The following NTNG1 variants were observed in gnomAD, a reference collection of about 807,000 sequenced individuals.
NTNG1 encodes the protein netrin-G1.
NTNG1 carries 16 observed loss-of-function variants against 54.0 expected under a neutral mutation model. The ratio of observed to expected loss-of-function variants is 0.30; its 90% CI spans 0.20 to 0.45. The LOEUF (loss-of-function observed/expected upper bound fraction) is 0.45. Ranked by LOEUF, NTNG1 falls within the 20% of genes least tolerant of loss-of-function variation. The pLI, the probability that NTNG1 is intolerant of heterozygous loss-of-function variation, is 1.00. For synonymous variants in NTNG1, 255 were observed against 263.1 expected, an observed-to-expected ratio of 0.97 and a Z score of 0.30; for missense variants, 530 against 678.7, an observed-to-expected ratio of 0.78 and a Z score of 2.43.
chr1:107,195,034 T>C (rs1271641828), intron 2 of NTNG1, among the ~76,000 whole-genome samples: 1 of 152,040 alleles, frequency 6.6e-6, no homozygotes, highest in Non-Finnish European at 1.5e-5. Flanking sequence ...AAAGTTTCAC[T>C]GCTTATTTAA....
At chr1:107,271,068 A>G (rs916054417) in intron 2 of NTNG1, among the ~76,000 whole-genome samples, 1 of 152,218 alleles carries the variant, frequency 6.6e-6, no homozygotes, top group Non-Finnish European at 1.5e-5. Context: ...AGTAGAAAAC[A>G]ATAGACACAA....
At chr1:107,326,067 G>A (rs756367179) in intron 3 of NTNG1, among the ~76,000 whole-genome samples, 3 of 152,058 alleles carry the variant, frequency 2.0e-5, no homozygotes, top group African/African-American at 4.8e-5. Flanking sequence ...CTGGGAGAAA[G>A]GTCACTGCTG....
intron 4 of NTNG1, among the ~76,000 whole-genome samples, chr1:107,404,617 C>T (rs17018899): frequency 0.019 from 2,941 of 152,196 alleles, 39 homozygotes; most frequent in South Asian, 0.042. Flanking sequence ...TGTCATCAGA[C>T]ATTGTCCCAG....
chr1:107,397,607 A>G (rs1333955794), intron 4 of NTNG1, among the ~76,000 whole-genome samples: 1 of 152,202 alleles, frequency 6.6e-6, no homozygotes, highest in Admixed American at 6.5e-5. Flanking sequence ...CGCATGTCAT[A>G]TGTTTAGCCT....
intron 7 of NTNG1, among the ~76,000 whole-genome samples, chr1:107,454,936 A>G (rs1354873709): frequency 6.6e-6 from 1 of 152,164 alleles, no homozygotes; most frequent in Admixed American, 6.5e-5. Flanking sequence ...CCCCACACCA[A>G]CATACATTCA....
rs1329939421 is a variant in NTNG1, at chr1:107,253,576, T to G, written c.247-70706T>G. 5.3e-5 allele frequency among the ~76,000 whole-genome samples: 8 copies of G among 152,336 alleles called. No individual in the cohort carries two copies. The East Asian group carries it at 1.5e-3, about 29-fold the overall frequency. On this transcript the variant is annotated intron_variant, in intron 2 of 7. Coordinates refer to ENST00000370068, the MANE Select transcript of NTNG1 (RefSeq NM_001113226.3). ...CTCATTTCATTTCATTTTCATTTGTTGGGGCATGTATAATTAAGTTTACCT... is the reference window on the plus strand; with the variant it reads ...CTCATTTCATTTCATTTTCATTTGTGGGGGCATGTATAATTAAGTTTACCT...
intron 7 of NTNG1, among the ~76,000 whole-genome samples, chr1:107,454,869 G>A (rs1676841028): frequency 6.6e-6 from 1 of 152,134 alleles, no homozygotes; most frequent in Admixed American, 6.6e-5. Flanking sequence ...GCACATTTGA[G>A]GTCAGGAATT....
chr1:107,290,149 C>T (rs576569763), intron 2 of NTNG1, among the ~76,000 whole-genome samples: 2 of 152,216 alleles, frequency 1.3e-5, no homozygotes, highest in African/African-American at 2.4e-5. Flanking sequence ...TATTATGTGT[C>T]CTGTTGAATA....
At chr1:107,335,302 A>T (rs934436945) in intron 3 of NTNG1, among the ~76,000 whole-genome samples, 4 of 151,988 alleles carry the variant, frequency 2.6e-5, no homozygotes, top group African/African-American at 9.7e-5. Context: ...TTGCTTCTTG[A>T]GTTTACCAAC....
At chr1:107,250,017 A>G (rs1158355616) in intron 2 of NTNG1, among the ~76,000 whole-genome samples, 2 of 152,130 alleles carry the variant, frequency 1.3e-5, no homozygotes, top group African/African-American at 4.8e-5. Context: ...GGCAGGGAGA[A>G]GTGCTTTTCT....
chr1:107,380,830 GT>G (rs1376614796), intron 3 of NTNG1, among the ~76,000 whole-genome samples: 3 of 152,014 alleles, frequency 2.0e-5, no homozygotes, highest in Admixed American at 1.3e-4. Context: ...CATAGTCCTG[GT>G]TCCTTTCCTC....
At chr1:107,240,619 T>C (rs1182843300) in intron 2 of NTNG1, among the ~76,000 whole-genome samples, 11 of 152,346 alleles carry the variant, frequency 7.2e-5, no homozygotes, top group Middle Eastern at 3.4e-3. Context: ...CAAATCCTTC[T>C]TGTTCTCTGA....
At chr1:107,465,456 AAG>A (rs1486443854) in intron 7 of NTNG1, among the ~76,000 whole-genome samples, 1 of 152,194 alleles carries the variant, frequency 6.6e-6, no homozygotes, top group African/African-American at 2.4e-5. Context: ...GCACATGGAA[AAG>A]GAGTGTTTGT....
intron 3 of NTNG1, among the ~76,000 whole-genome samples, chr1:107,349,890 A>C (rs1045337400): frequency 2.6e-5 from 4 of 152,146 alleles, no homozygotes; most frequent in African/African-American, 9.7e-5. Context: ...CTTGTTAAGA[A>C]ATTTTTGGTA....
intron 3 of NTNG1, among the ~76,000 whole-genome samples, chr1:107,391,494 A>G (rs1672358710): frequency 1.3e-5 from 2 of 152,186 alleles, no homozygotes; most frequent in Admixed American, 1.3e-4. Flanking sequence ...AGAGTGCATT[A>G]GTCCATTTGC....
Position 107,324,623 on chromosome 1 carries a change from A to C in NTNG1, c.588A>C (p.Leu196Phe). The change falls in exon 3 of 8, where the codon TTA (leucine) becomes TTC (phenylalanine). Residue 196 changes from leucine (L) to phenylalanine (F), a missense_variant. Transcript: ENST00000370068. ...FHMDPKSVKD[L>F]SQHTVLEIIC... ...TGGATCCTAAATCCGTGAAGGATTT[A>C]TCACAGCATACGGTCTTAGAAATCA... is the stretch of plus-strand genomic sequence containing the variant. The C allele has an allele frequency of 6.2e-7, 1 of 1,613,778 alleles. No individual in the cohort carries two copies. Among genetic ancestry groups the C allele is most frequent in the Non-Finnish European group, 8.5e-7 (1 of 1,179,862 alleles).
At chr1:107,140,827 T>A (rs1251818007), upstream of NTNG1, 3 of 151,082 alleles carry the variant, frequency 2.0e-5, no homozygotes, top group Non-Finnish European at 4.4e-5. Context: ...CAGTAAAAGT[T>A]TAAGGCGAGA....
intron 7 of NTNG1, among the ~76,000 whole-genome samples, chr1:107,466,134 C>T (rs1368709747): frequency 6.6e-6 from 1 of 151,992 alleles, no homozygotes; most frequent in Admixed American, 6.6e-5. Context: ...GAGGTCCTGA[C>T]TACAGTATTT....
intron 5 of NTNG1, among the ~76,000 whole-genome samples, chr1:107,424,643 A>T (rs1271056771): frequency 6.6e-6 from 1 of 152,064 alleles, no homozygotes; most frequent in Non-Finnish European, 1.5e-5. Context: ...GGAGGAATGG[A>T]ATAGTCATGT....
Sources: allele counts gnomAD v4.1 joint callset (sites outside exome capture counted in the v4.1 genomes callset), GRCh38; gene constraint gnomAD v4.1.1; transcripts MANE v1.5; gene names NCBI Gene and HGNC (gene_info 2026-07-23, HGNC 2026-07-21).